Variants in OCEL1 observed in about 807,000 individuals in gnomAD.
OCEL1 encodes occludin/ELL domain-containing protein 1.
OCEL1 carries 24 observed loss-of-function variants against 29.4 expected under a neutral mutation model. The ratio of observed to expected loss-of-function variants is 0.82; its 90% CI spans 0.59 to 1.15. The LOEUF is 1.15. Among genes scored for constraint, OCEL1 ranks in the 50% most tolerant of loss-of-function variants. The probability of loss-of-function intolerance (pLI) is 0.00; values close to 1 mark genes in which losing one functional copy is unlikely to be tolerated. For synonymous variants in OCEL1, 172 were observed against 145.3 expected, an observed-to-expected ratio of 1.18 and a Z score of -1.32; for missense variants, 402 against 352.5, an observed-to-expected ratio of 1.14 and a Z score of -1.13.
intron 2 of OCEL1, 54 bp from the exon 3 acceptor site, chr19:17,226,940 G>T: frequency 6.5e-7 from 1 of 1,531,584 alleles, no homozygotes; most frequent in Non-Finnish European, 8.7e-7. Context: ...CAGTTTGAGG[G>T]ACTCCGGTTT....
At chr19:17,227,541 A>C (rs1404156686) in intron 3 of OCEL1, among the ~76,000 whole-genome samples, 2 of 152,128 alleles carry the variant, frequency 1.3e-5, no homozygotes, top group African/African-American at 2.4e-5. Flanking sequence ...AAACACAAAA[A>C]TTAGCTGGAT....
chr19:17,228,497 T>C lies in OCEL1; in HGVS notation c.672+188T>C, dbSNP rs781779838. On this transcript the variant is annotated intron_variant, in intron 5 of 5. Transcript: ENST00000215061. Reference sequence around the variant, plus strand: ...GCGTCCCGGGTTCAAGCGGTTCTCCTGCCTCAGCTGGGATCACAGGCGCCC... The same window carrying C: ...GCGTCCCGGGTTCAAGCGGTTCTCCCGCCTCAGCTGGGATCACAGGCGCCC... The C allele has an allele frequency of 4.6e-6, 3 of 652,768 alleles. No homozygotes were observed. The South Asian group carries it at 6.0e-5, about 13-fold the overall frequency. 40.4% of individuals were successfully genotyped at this position (652,768 alleles called of 1,614,324 possible). A position where few individuals can be genotyped will look rare whatever the true frequency, so the allele number is the denominator to read the frequency against.
intron 1 of OCEL1, 137 bp downstream of exon 1, chr19:17,226,453 C>T (rs905834784): frequency 6.5e-6 from 7 of 1,083,406 alleles, no homozygotes; most frequent in Non-Finnish European, 7.9e-6. Context: ...TAACTCGAGC[C>T]GGTCCCAGGC....
Position 17,228,011 on chromosome 19 carries a change from C to A in OCEL1, c.618+6C>A. 6.2e-7 allele frequency: 1 copy of A among 1,611,222 alleles called. No individual in the cohort carries two copies. The highest frequency in any genetic ancestry group is 8.5e-7 in the Non-Finnish European group (1 of 1,179,622). ...TGCCCCCACCCCAAAGCCAGGTCAG[C>A]ACTAGGGAGAAAGCCCTGCCCCGCA... On this transcript the variant is annotated splice_donor_region_variant and intron_variant, in intron 4 of 5. Transcript: ENST00000215061.
chr19:17,227,793 G>A (rs779771045), intron 3 of OCEL1, 47 bp from the exon 4 acceptor site: 1 of 1,590,132 alleles, frequency 6.3e-7, no homozygotes, highest in South Asian at 1.1e-5. Context: ...CTGGGGGAAA[G>A]AGTGGGGTTC....
Position 17,228,795 on chromosome 19 carries a change from C to T in OCEL1, c.673-8C>T, listed in dbSNP as rs1335897966. The T allele has an allele frequency of 9.3e-6, 15 of 1,612,074 alleles. No homozygotes were observed. Among genetic ancestry groups the T allele is most frequent in the Non-Finnish European group, 1.3e-5 (15 of 1,179,608 alleles). On this transcript the variant is annotated splice_polypyrimidine_tract_variant and splice_region_variant and intron_variant, in intron 5 of 5. Coordinates refer to ENST00000215061, the MANE Select transcript of OCEL1 (RefSeq NM_024578.3). ...GCTGCAAAGACTTCCGGGTCTCGCC[C>T]TGCCTAGGATCCTGGCTTCCTGGAC...
intron 1 of OCEL1, 27 bp from the exon 2 acceptor site, chr19:17,226,666 G>A (rs1462102451): frequency 6.9e-7 from 1 of 1,445,046 alleles, no homozygotes; most frequent in Non-Finnish European, 9.0e-7. Flanking sequence ...GTCGTCAGGC[G>A]TGTCCTCTCC....
At chr19:17,228,137 C>A in intron 4 of OCEL1, 119 bp from the exon 5 acceptor site, 1 of 1,525,276 alleles carries the variant, frequency 6.6e-7, no homozygotes, top group Non-Finnish European at 9.0e-7. Context: ...TGACACATGG[C>A]TAAGGTCAGC....
chr19:17,226,700 G>C lies in OCEL1; in HGVS notation c.77G>C (p.Arg26Pro). Residue 26 changes from arginine to proline, a missense_variant, in exon 2 of 6, where the codon CGC becomes CCC. Coordinates refer to ENST00000215061, the MANE Select transcript of OCEL1 (RefSeq NM_024578.3). Reference protein sequence around the residue: ...SELQTLGQAARRPPPPRAGHD... With the variant: ...SELQTLGQAAPRPPPPRAGHD... ...CCGCGTGTCCACCCACAGGCCGCCC[G>C]CAGACCACCCCCGCCGCGCGCGGGA... 6.7e-7 allele frequency: 1 copy of C among 1,491,066 alleles called. No homozygotes were observed. Among genetic ancestry groups the C allele is most frequent in the Non-Finnish European group, 8.9e-7 (1 of 1,129,322 alleles). The allele number at this position is 1,491,066 out of a possible 1,614,324, so 92.4% of individuals were successfully genotyped here. A position where few individuals can be genotyped will look rare whatever the true frequency, so the allele number is the denominator to read the frequency against.
chr19:17,227,069 A>C lies in OCEL1; in HGVS notation c.322A>C (p.Lys108Gln). Residue 108 changes from lysine (K) to glutamine (Q), a missense_variant, in exon 3 of 6, where the codon AAG (lysine) becomes CAG (glutamine). By Grantham distance (53) the Lys-to-Gln change is moderately conservative. Transcript: ENST00000215061. ...PPCQPQPGPH[K>Q]AKTKKIVFED... ...GTGCCAGCCCCAGCCGGGACCCCAC[A>C]AGGCAAAGACCAAGAAGATTGTGTT... 2 of 1,609,436 alleles carry C rather than the reference A, an allele frequency of 1.2e-6. No individual in the cohort carries two copies. The highest frequency in any genetic ancestry group is 1.7e-6 in the Non-Finnish European group (2 of 1,179,174).
Position 17,226,400 on chromosome 19 carries a change from G to T in OCEL1, c.69+84G>T, listed in dbSNP as rs1224142538. On this transcript the variant is annotated intron_variant, in intron 1 of 5. Coordinates refer to ENST00000215061, the MANE Select transcript of OCEL1 (RefSeq NM_024578.3). ...GCTCCTCGGGCGCGGTCGTCTGTGG[G>T]CTCTGCGCGCCCTGGAGGTCGAGGC... 53 of 1,498,568 alleles carry T rather than the reference G, an allele frequency of 3.5e-5. 1 individual carries two copies. In the South Asian group the frequency reaches 5.4e-4, roughly 15 times the overall value. The allele number at this position is 1,498,568 out of a possible 1,614,324, so 92.8% of individuals were successfully genotyped here.
chr19:17,227,494 C>A (rs1418403134), intron 3 of OCEL1, among the ~76,000 whole-genome samples: 2 of 152,108 alleles, frequency 1.3e-5, no homozygotes, highest in African/African-American at 2.4e-5. Flanking sequence ...AGTTCGAGAC[C>A]AGCCCGGCCA....
chr19:17,228,308 TG>T lies in OCEL1; in HGVS notation c.672+1del, dbSNP rs748912356. 2 of 1,613,904 alleles carry T rather than the reference TG, an allele frequency of 1.2e-6. No homozygotes were observed. The highest frequency in any genetic ancestry group is 1.7e-5 in the Admixed American group (1 of 59,966). Reference sequence around the variant, plus strand: ...TGGAGGGAGTTTGAGATGAAGCGAATGGTGAGTCTTGCATCCCACAGCTTGG... The same window carrying T: ...TGGAGGGAGTTTGAGATGAAGCGAATGTGAGTCTTGCATCCCACAGCTTGG... ...RVWREFEMKR[M>X]DPGFLDKQAR... is the part of the protein sequence containing the mutation. On this transcript the variant is annotated frameshift_variant and splice_region_variant, in exon 5 of 6. Coordinates refer to ENST00000215061, the MANE Select transcript of OCEL1 (RefSeq NM_024578.3). LOFTEE classifies it high-confidence loss of function.
Position 17,229,095 on chromosome 19 carries a change from C to T in OCEL1, c.*170C>T, listed in dbSNP as rs1770295836. 3 of 634,732 alleles carry T rather than the reference C, an allele frequency of 4.7e-6. No homozygotes were observed. The highest frequency in any genetic ancestry group is 5.1e-6 in the Non-Finnish European group (2 of 389,836). The allele number at this position is 634,732 out of a possible 1,614,324, so 39.3% of individuals were successfully genotyped here. A position where few individuals can be genotyped will look rare whatever the true frequency, so the allele number is the denominator to read the frequency against. ...TCTGACAGCCCCTCCTCCAGGAAGG[C>T]CTTCCAGGACTTCCTCCTCTGGGTC... On this transcript the variant is annotated 3_prime_UTR_variant, in exon 6 of 6. Coordinates refer to ENST00000215061, the MANE Select transcript of OCEL1 (RefSeq NM_024578.3).
At chr19:17,226,539 T>A in intron 1 of OCEL1, 154 bp from the exon 2 acceptor site, 11 of 959,950 alleles carry the variant, frequency 1.1e-5, no homozygotes, top group Non-Finnish European at 1.7e-5. Context: ...TGGACGTCGC[T>A]GCGGACCAAT....
At chr19:17,226,578 T>C in intron 1 of OCEL1, 115 bp from the exon 2 acceptor site, 2 of 1,189,034 alleles carry the variant, frequency 1.7e-6, no homozygotes, top group Non-Finnish European at 1.1e-6. Flanking sequence ...TAGCGGTCGT[T>C]CTGGGGAACT....
chr19:17,228,053 C>T (rs760721857), intron 4 of OCEL1, 48 bp downstream of exon 4: 18 of 1,594,784 alleles, frequency 1.1e-5, no homozygotes, highest in African/African-American at 1.3e-5. Flanking sequence ...CTGAGTGGCC[C>T]GACCCAAGCC....
intron 4 of OCEL1, 101 bp downstream of exon 4, chr19:17,228,106 C>G: frequency 6.5e-7 from 1 of 1,549,106 alleles, no homozygotes; most frequent in South Asian, 1.2e-5. Flanking sequence ...ACTCTTTCTC[C>G]TCTCGGTTGG....
intron 5 of OCEL1, 110 bp from the exon 6 acceptor site, chr19:17,228,691 CCA>C: frequency 1.4e-6 from 2 of 1,466,332 alleles, no homozygotes; most frequent in African/African-American, 1.4e-5. Context: ...TCGCCTGTGC[CCA>C]GTTTCAAGGA....
Sources: gnomAD v4.1 joint callset for allele counts (sites outside exome capture counted in the v4.1 genomes callset) on GRCh38, gnomAD v4.1.1 for gene constraint, MANE v1.5 for transcripts, NCBI Gene and HGNC (gene_info 2026-07-23, HGNC 2026-07-21) for gene names.